Variants in PLCG2 observed in about 807,000 individuals in gnomAD.
PLCG2 encodes the protein 1-phosphatidylinositol 4,5-bisphosphate phosphodiesterase gamma-2.
In PLCG2, 69 loss-of-function variants were observed where a neutral mutation model predicts 175.6. That is an observed-to-expected ratio of 0.39 (90% confidence interval 0.32 to 0.48). PLCG2 has a LOEUF of 0.48. PLCG2 is among the 20% of genes least tolerant of loss of function. PLCG2 has a pLI of 0.91. For synonymous variants in PLCG2, 827 were observed against 624.0 expected (o/e 1.33, Z -4.85); for missense variants, 1,798 against 1,650.9 (o/e 1.09, Z -1.54).
intron 2 of PLCG2, among the ~76,000 whole-genome samples, chr16:81,760,195 C>T (rs1464285891): frequency 1.3e-5 from 2 of 152,152 alleles, no homozygotes; most frequent in African/African-American, 4.8e-5. Context: ...TCCAGGAGGG[C>T]AGAGATCCAG....
chr16:81,811,742 G>A (rs1278453961), intron 2 of PLCG2, among the ~76,000 whole-genome samples: 1 of 152,124 alleles, frequency 6.6e-6, no homozygotes, highest in Non-Finnish European at 1.5e-5. Flanking sequence ...GTGTATATGT[G>A]CCACATTTTC....
At chr16:81,853,266 C>G (rs4889414) in intron 2 of PLCG2, among the ~76,000 whole-genome samples, 119,550 of 151,534 alleles carry the variant, frequency 0.79, 47,881 homozygotes, top group Non-Finnish European at 0.86. Context: ...GGGAGGCAGA[C>G]GTTGCAGTGA....
At chr16:81,785,133 G>A (rs1252501269) in intron 1 of PLCG2, among the ~76,000 whole-genome samples, 2 of 152,130 alleles carry the variant, frequency 1.3e-5, no homozygotes, top group Non-Finnish European at 2.9e-5. Context: ...CGTTGGAAGT[G>A]GTCGTGAGAG....
In PLCG2 at chr16:81,960,823, A is replaced by G. The variant is rs538659046; in HGVS notation, c.*2825A>G. 9.1e-5 allele frequency: 21 copies of G among 229,730 alleles called. No homozygotes were observed. Among genetic ancestry groups the G allele is most frequent in the African/African-American group, 4.4e-4 (20 of 45,256 alleles). 14.2% of individuals were successfully genotyped at this position (229,730 alleles called of 1,614,324 possible). A position where few individuals can be genotyped will look rare whatever the true frequency, so the allele number is the denominator to read the frequency against. On this transcript the variant is annotated 3_prime_UTR_variant, in exon 33 of 33. Transcript: ENST00000564138. ...AGCCTTACCCCTGGGAGTATACCAG[A>G]GCTTTCCAAGGAATACACAGACTCC...
chr16:81,874,708 G>T (rs930509198), intron 7 of PLCG2, among the ~76,000 whole-genome samples: 4 of 152,152 alleles, frequency 2.6e-5, no homozygotes, highest in African/African-American at 9.7e-5. Context: ...GCAGCCAAAT[G>T]GTTTCCATCG....
At chr16:81,858,722 A>C (rs189541967) in intron 4 of PLCG2, among the ~76,000 whole-genome samples, 7 of 151,948 alleles carry the variant, frequency 4.6e-5, no homozygotes, top group African/African-American at 2.4e-5. Context: ...TCCACCTATC[A>C]CTCCCTCCTG....
chr16:81,825,283 ATT>A (rs577002663), intron 2 of PLCG2, among the ~76,000 whole-genome samples: 466 of 115,830 alleles, frequency 4.0e-3, no homozygotes, highest in African/African-American at 0.014. Context: ...AGATGCTCTA[ATT>A]TTTTTTTTTT....
intron 2 of PLCG2, among the ~76,000 whole-genome samples, chr16:81,793,252 A>T (rs1298478869): frequency 2.0e-5 from 3 of 152,142 alleles, no homozygotes; most frequent in Non-Finnish European, 4.4e-5. Flanking sequence ...TTGTCTGTGA[A>T]TGTCGGGAGG....
At chr16:81,925,891 A>AAAAAG (rs1555521147) in intron 22 of PLCG2, among the ~76,000 whole-genome samples, 10 of 74,304 alleles carry the variant, frequency 1.3e-4, no homozygotes, top group African/African-American at 4.2e-4. Context: ...GTCTCAAAAA[A>AAAAAG]AAAAAAAAAA....
chr16:81,908,640 G>A lies in PLCG2; in HGVS notation c.1733+49G>A, dbSNP rs112113196. 9.8e-4 allele frequency: 1,473 copies of A among 1,510,118 alleles called. 18 individuals carry two copies. The African/African-American group carries it at 0.018, about 18-fold the overall frequency. 93.5% of individuals were successfully genotyped at this position (1,510,118 alleles called of 1,614,324 possible). A position where few individuals can be genotyped will look rare whatever the true frequency, so the allele number is the denominator to read the frequency against. ...GCCTACCTTCTTCTCCATGCCAACCGATGAGGCAGGGTGGCGAGTGGTTCT... is the reference window on the plus strand; with the variant it reads ...GCCTACCTTCTTCTCCATGCCAACCAATGAGGCAGGGTGGCGAGTGGTTCT... On this transcript the variant is annotated intron_variant, in intron 17 of 32. Coordinates refer to ENST00000564138, the MANE Select transcript of PLCG2 (RefSeq NM_002661.5).
At chr16:81,792,480 C>CAAAAAAAAAAAAAAAAAAAA (rs532680550) in intron 2 of PLCG2, among the ~76,000 whole-genome samples, 4 of 70,156 alleles carry the variant, frequency 5.7e-5, no homozygotes, top group Admixed American at 1.9e-4. Context: ...GGCTCTGTCT[C>CAAAAAAAAAAAAAAAAAAAA]AAAAAAAAAA....
intron 1 of PLCG2, among the ~76,000 whole-genome samples, chr16:81,752,132 A>G (rs1481305891): frequency 6.6e-6 from 1 of 152,174 alleles, no homozygotes; most frequent in East Asian, 1.9e-4. Flanking sequence ...TCACGTATGA[A>G]CTATGAGCCT....
Position 81,937,514 on chromosome 16 carries a change from T to C in PLCG2, c.3053-244T>C, listed in dbSNP as rs191879992. ...CAATTTATTGCTACATAGACACTTT[T>C]AGCAAGTTTGAATCTTTTCTTTTAT... On this transcript the variant is annotated intron_variant, in intron 27 of 32. Coordinates refer to ENST00000564138, the MANE Select transcript of PLCG2 (RefSeq NM_002661.5). 3.9e-4 allele frequency: 158 copies of C among 400,278 alleles called. 2 individuals carry two copies. The East Asian group carries it at 5.6e-3, about 14-fold the overall frequency. 24.8% of individuals were successfully genotyped at this position (400,278 alleles called of 1,614,324 possible).
At chr16:81,939,230 C>G (rs1265647564) in intron 29 of PLCG2, among the ~76,000 whole-genome samples, 1 of 152,102 alleles carries the variant, frequency 6.6e-6, no homozygotes, top group African/African-American at 2.4e-5. Flanking sequence ...GGCCAAGAGG[C>G]AGAGACACAG....
At chr16:81,870,591 G>A (rs1440127788) in intron 6 of PLCG2, among the ~76,000 whole-genome samples, 1 of 152,126 alleles carries the variant, frequency 6.6e-6, no homozygotes, top group Non-Finnish European at 1.5e-5. Context: ...CCAGACAGGG[G>A]GATTAGGGAA....
chr16:81,890,225 G>C (rs1414192905), intron 10 of PLCG2, among the ~76,000 whole-genome samples: 2 of 152,198 alleles, frequency 1.3e-5, no homozygotes, highest in South Asian at 2.1e-4. Context: ...TAACCAGTTA[G>C]TCTCCACCTT....
chr16:81,845,412 A>T (rs1167465882), intron 2 of PLCG2, among the ~76,000 whole-genome samples: 1 of 152,162 alleles, frequency 6.6e-6, no homozygotes, highest in African/African-American at 2.4e-5. Context: ...CCACAAGAGC[A>T]CTGTGTGGTA....
At chr16:81,862,163 GTT>G (rs1907014881) in intron 5 of PLCG2, among the ~76,000 whole-genome samples, 1 of 152,246 alleles carries the variant, frequency 6.6e-6, no homozygotes, top group Non-Finnish European at 1.5e-5. Flanking sequence ...GACGAATCGT[GTT>G]TCCTGAAGGA....
chr16:81,918,083 T>C (rs1394865048), intron 19 of PLCG2, among the ~76,000 whole-genome samples: 1 of 152,236 alleles, frequency 6.6e-6, no homozygotes, highest in African/African-American at 2.4e-5. Context: ...GACTTCCTTA[T>C]ATATTTTGGA....
Sources: gnomAD v4.1 joint callset for allele counts (sites outside exome capture counted in the v4.1 genomes callset) on GRCh38, gnomAD v4.1.1 for gene constraint, MANE v1.5 for transcripts, NCBI Gene and HGNC (gene_info 2026-07-23, HGNC 2026-07-21) for gene names.